Variants in TRAPPC9 observed in about 807,000 individuals in gnomAD.
TRAPPC9 encodes the protein IKK2 binding protein.
In TRAPPC9, 83 loss-of-function variants were observed where a neutral mutation model predicts 124.0. That is an observed-to-expected ratio of 0.67 (90% CI 0.56 to 0.80). TRAPPC9 has a LOEUF of 0.80. Among genes scored for constraint, TRAPPC9 ranks in the 30% least tolerant of loss-of-function variants. The pLI is 0.00. For synonymous variants in TRAPPC9, 638 were observed against 617.5 expected, an observed-to-expected ratio of 1.03 and a Z score of -0.49; for missense variants, 1,302 against 1,508.3, an observed-to-expected ratio of 0.86 and a Z score of 2.27.
chr8:140,344,187 C>T (rs1335021069), intron 9 of TRAPPC9, among the ~76,000 whole-genome samples: 2 of 152,186 alleles, frequency 1.3e-5, no homozygotes, highest in Non-Finnish European at 2.9e-5. Flanking sequence ...TCCAGCATGT[C>T]TCTGAGCCAG....
chr8:140,457,450 C>T (rs2071720894), intron 1 of TRAPPC9, among the ~76,000 whole-genome samples, 189 bp downstream of exon 1: 1 of 152,292 alleles, frequency 6.6e-6, no homozygotes, highest in South Asian at 2.1e-4. Flanking sequence ...GGAGCAAGGG[C>T]GCCTCGAGCA....
At chr8:140,384,001 C>T (rs1476714505) in intron 7 of TRAPPC9, among the ~76,000 whole-genome samples, 1 of 152,076 alleles carries the variant, frequency 6.6e-6, no homozygotes, top group Non-Finnish European at 1.5e-5. Context: ...AGAGTAGGGG[C>T]CAATATTCAA....
intron 15 of TRAPPC9, among the ~76,000 whole-genome samples, chr8:140,259,604 A>T (rs2064352385): frequency 1.3e-5 from 2 of 152,230 alleles, no homozygotes; most frequent in Admixed American, 1.3e-4. Context: ...AAATGCTTAC[A>T]ATAGCGCCCA....
At chr8:139,985,074 T>C (rs924483261) in intron 19 of TRAPPC9, among the ~76,000 whole-genome samples, 4 of 152,222 alleles carry the variant, frequency 2.6e-5, no homozygotes, top group African/African-American at 7.2e-5. Context: ...TCAATATTTA[T>C]TGAATGAATA....
At chr8:139,799,655 A>C (rs1823336437) in intron 21 of TRAPPC9, among the ~76,000 whole-genome samples, 1 of 152,182 alleles carries the variant, frequency 6.6e-6, no homozygotes, top group Non-Finnish European at 1.5e-5. Flanking sequence ...CCCTGTCTCC[A>C]ACTGTCCACA....
intron 19 of TRAPPC9, among the ~76,000 whole-genome samples, chr8:139,936,595 A>T (rs1477978663): frequency 6.6e-6 from 1 of 152,212 alleles, no homozygotes; most frequent in East Asian, 1.9e-4. Context: ...CTGAGAGCCG[A>T]AAGGTAAGTG....
At position 139,972,046 on chromosome 8, in the gene TRAPPC9, G is replaced by A. The variant is rs189595758; in HGVS notation, c.2810+16680C>T. 6.6e-5 allele frequency among the ~76,000 whole-genome samples: 10 copies of A among 151,886 alleles called. No individual in the cohort carries two copies. In the East Asian group the frequency reaches 9.8e-4, roughly 15 times the overall value. On this transcript the variant is annotated intron_variant, in intron 19 of 22. Coordinates refer to ENST00000438773, the MANE Select transcript of TRAPPC9 (RefSeq NM_001160372.4). Reference sequence around the variant, plus strand: ...TCACCATGTTGGCCAGGCTGATCTCGAACTCCTGACCTCAAGTCATCCACC... The same window carrying A: ...TCACCATGTTGGCCAGGCTGATCTCAAACTCCTGACCTCAAGTCATCCACC...
chr8:139,866,692 G>A (rs377630165), intron 21 of TRAPPC9, among the ~76,000 whole-genome samples: 5 of 152,332 alleles, frequency 3.3e-5, no homozygotes, highest in African/African-American at 1.2e-4. Flanking sequence ...CTGTGCAGTG[G>A]TGGATTGGGA....
rs115218921 is a variant in TRAPPC9, at chr8:140,072,300, A to G, written c.2557-48221T>C. Among the ~76,000 whole-genome samples, 1,036 of 152,272 alleles carry G rather than the reference A, an allele frequency of 6.8e-3. 11 individuals are homozygous for G. The highest frequency in any genetic ancestry group is 0.023 in the African/African-American group (947 of 41,546). On this transcript the variant is annotated intron_variant, in intron 17 of 22. Coordinates refer to ENST00000438773, the MANE Select transcript of TRAPPC9 (RefSeq NM_001160372.4). ...CGTAATCCTAGCACTTTGGGAGGCT[A>G]AGGCGGGCAGCTCACAAGTCAGGAG...
intron 21 of TRAPPC9, among the ~76,000 whole-genome samples, chr8:139,757,232 C>T (rs570081296): frequency 8.1e-6 from 1 of 123,790 alleles, no homozygotes; most frequent in Non-Finnish European, 1.6e-5. Context: ...GACAGCATGT[C>T]GCAGGAGGAG....
chr8:140,215,705 C>T (rs772743187), intron 17 of TRAPPC9, among the ~76,000 whole-genome samples: 19 of 151,962 alleles, frequency 1.3e-4, no homozygotes, highest in Middle Eastern at 3.5e-3. Context: ...CCCACAGACG[C>T]GGCGAACTTG....
chr8:140,454,842 G>A (rs2071596586), intron 1 of TRAPPC9, among the ~76,000 whole-genome samples: 2 of 150,924 alleles, frequency 1.3e-5, no homozygotes, highest in African/African-American at 2.4e-5. Flanking sequence ...GGGAGGCTGA[G>A]GCACGGGAAT....
intron 7 of TRAPPC9, among the ~76,000 whole-genome samples, chr8:140,396,304 G>A (rs1464426224): frequency 6.6e-6 from 1 of 151,852 alleles, no homozygotes; most frequent in African/African-American, 2.4e-5. Context: ...ACCACGCCTG[G>A]CTAATTTTTT....
chr8:140,176,126 G>A (rs2062065347), intron 17 of TRAPPC9, among the ~76,000 whole-genome samples: 2 of 152,342 alleles, frequency 1.3e-5, no homozygotes, highest in South Asian at 4.1e-4. Context: ...GACAGTCAAA[G>A]ACGATCTCTC....
At chr8:140,371,239 G>A in intron 7 of TRAPPC9, 59 bp from the exon 8 acceptor site, 1 of 1,460,410 alleles carries the variant, frequency 6.8e-7, no homozygotes, top group Non-Finnish European at 9.3e-7. Context: ...GAAAAAAGAA[G>A]CACACATTAA....
At chr8:140,363,857 CAAAGTGCTGGG>C (rs1447155658) in intron 8 of TRAPPC9, among the ~76,000 whole-genome samples, 1 of 152,190 alleles carries the variant, frequency 6.6e-6, no homozygotes, top group African/African-American at 2.4e-5. Flanking sequence ...CTCAGCCTCC[CAAAGTGCTGGG>C]ATTACAGGCG....
At chr8:140,326,678 C>T (rs1292145708) in intron 9 of TRAPPC9, among the ~76,000 whole-genome samples, 1 of 151,996 alleles carries the variant, frequency 6.6e-6, no homozygotes, top group Non-Finnish European at 1.5e-5. Flanking sequence ...GAGTTCAAAA[C>T]CAGTCTGAGC....
chr8:140,099,140 A>G (rs2060518692), intron 17 of TRAPPC9: 1 of 151,914 alleles, frequency 6.6e-6, no homozygotes, highest in Non-Finnish European at 1.5e-5. Flanking sequence ...CAGCTGCAGG[A>G]GTGCCGCAGT....
chr8:139,836,014 A>AT (rs869110256), intron 21 of TRAPPC9, among the ~76,000 whole-genome samples: 2 of 105,832 alleles, frequency 1.9e-5, no homozygotes, highest in African/African-American at 1.3e-4. Context: ...TTATTTATTT[A>AT]TTTATTTTTT....
Sources: gnomAD v4.1 joint callset for allele counts (sites outside exome capture counted in the v4.1 genomes callset) on GRCh38, gnomAD v4.1.1 for gene constraint, MANE v1.5 for transcripts, NCBI Gene and HGNC (gene_info 2026-07-23, HGNC 2026-07-21) for gene names.